HEATR5A: variants seen among roughly 807,000 people sequenced by gnomAD.
The protein encoded by HEATR5A is HEAT repeat containing 5A.
In HEATR5A, 178 loss-of-function variants were observed where a neutral mutation model predicts 218.8. The observed-to-expected ratio is 0.81, with a 90% CI of 0.72 to 0.92. The LOEUF (loss-of-function observed/expected upper bound fraction) is 0.92. Among genes scored for constraint, HEATR5A ranks in the 40% least tolerant of loss-of-function variants. HEATR5A has a pLI of 0.00. For synonymous variants in HEATR5A, 864 were observed against 871.6 expected (o/e 0.99, Z 0.15); for missense variants, 2,420 against 2,418.9 (o/e 1.00, Z -0.01).
At chr14:31,369,592 C>G (rs994364740) in intron 13 of HEATR5A, among the ~76,000 whole-genome samples, 4 of 95,760 alleles carry the variant, frequency 4.2e-5, no homozygotes, top group African/African-American at 1.7e-4. Flanking sequence ...GCCTGGGCAA[C>G]AGAGCAAAAC....
chr14:31,397,340 T>G (rs911786603), intron 4 of HEATR5A, among the ~76,000 whole-genome samples: 1 of 152,106 alleles, frequency 6.6e-6, no homozygotes, highest in Non-Finnish European at 1.5e-5. Flanking sequence ...TAGATTTTTT[T>G]TTTTAAATAA....
At chr14:31,363,116 G>C (rs965622783) in intron 14 of HEATR5A, among the ~76,000 whole-genome samples, 2 of 151,906 alleles carry the variant, frequency 1.3e-5, no homozygotes, top group African/African-American at 4.8e-5. Context: ...GCGCATGCCT[G>C]TAGTTCCAGC....
At chr14:31,389,630 T>C (rs2030368557) in intron 6 of HEATR5A, among the ~76,000 whole-genome samples, 1 of 152,160 alleles carries the variant, frequency 6.6e-6, no homozygotes. Flanking sequence ...GGTTTCTCCC[T>C]GTGACTAGAT....
At chr14:31,342,902 T>C (rs1900884839) in intron 21 of HEATR5A, among the ~76,000 whole-genome samples, 1 of 152,236 alleles carries the variant, frequency 6.6e-6, no homozygotes. Context: ...AAATGCTGCA[T>C]ATTTTGCCTC....
intron 19 of HEATR5A, among the ~76,000 whole-genome samples, chr14:31,347,266 T>C (rs534315566): frequency 4.6e-5 from 7 of 152,336 alleles, no homozygotes; most frequent in African/African-American, 1.4e-4. Flanking sequence ...GGCTGGAGCA[T>C]AGTGGCACAA....
intron 22 of HEATR5A, among the ~76,000 whole-genome samples, chr14:31,330,825 C>T (rs1218667673): frequency 6.6e-6 from 1 of 151,610 alleles, no homozygotes; most frequent in Non-Finnish European, 1.5e-5. Flanking sequence ...CTCCTTGTTA[C>T]TTGTGAAAAT....
intron 6 of HEATR5A, among the ~76,000 whole-genome samples, chr14:31,392,126 G>A (rs2030477622): frequency 6.6e-6 from 1 of 152,066 alleles, no homozygotes. Context: ...CCAAATTTTT[G>A]ACAGAGAACT....
Position 31,293,144 on chromosome 14 carries a change from A to C in HEATR5A, c.*161T>G. On this transcript the variant is annotated 3_prime_UTR_variant, in exon 36 of 36. Coordinates refer to ENST00000543095, the MANE Select transcript of HEATR5A (RefSeq NM_015473.4). ...AACACAAACCCCACGCACACACACA[A>C]AAATGTTAAGTATGCTGTTACTTTG... is the stretch of plus-strand genomic sequence containing the variant. 1 of 529,714 alleles carries C rather than the reference A, an allele frequency of 1.9e-6. No homozygotes were observed. Among genetic ancestry groups the C allele is most frequent in the South Asian group, 3.7e-5 (1 of 26,794 alleles). The allele number at this position is 529,714 out of a possible 1,614,324, so 32.8% of individuals were successfully genotyped here.
At chr14:31,381,692 G>A (rs921327055) in intron 10 of HEATR5A, among the ~76,000 whole-genome samples, 5 of 152,110 alleles carry the variant, frequency 3.3e-5, no homozygotes, top group Admixed American at 6.5e-5. Flanking sequence ...AGGCTGAGAC[G>A]GGAAGATTGC....
At chr14:31,393,175 T>A (rs1271648037) in intron 6 of HEATR5A, among the ~76,000 whole-genome samples, 1 of 152,148 alleles carries the variant, frequency 6.6e-6, no homozygotes, top group Non-Finnish European at 1.5e-5. Flanking sequence ...ATATCGTTTA[T>A]TGGATAACAC....
intron 21 of HEATR5A, among the ~76,000 whole-genome samples, chr14:31,343,289 C>T (rs1422465785): frequency 1.3e-5 from 2 of 152,066 alleles, no homozygotes; most frequent in Non-Finnish European, 2.9e-5. Context: ...GACGGGGTTT[C>T]ACCATGTTGG....
At chr14:31,340,129 GCAAA>G (rs1322949355) in intron 21 of HEATR5A, among the ~76,000 whole-genome samples, 1 of 152,036 alleles carries the variant, frequency 6.6e-6, no homozygotes, top group African/African-American at 2.4e-5. Flanking sequence ...GTGGCTTAAG[GCAAA>G]CAAACAAAGC....
rs527822922 is a variant in HEATR5A at position 31,311,144 on chromosome 14, A to G, written c.4441+1824T>C. Among the ~76,000 whole-genome samples, 3 of 152,334 alleles carry G rather than the reference A, an allele frequency of 2.0e-5. No homozygotes were observed. In the East Asian group the frequency reaches 5.8e-4, roughly 29 times the overall value. ...AAAATTCATATCAAAAAGTAAAAAT[A>G]CAATGATAGCTAAGACATTTTGGAA... is the stretch of plus-strand genomic sequence containing the variant. On this transcript the variant is annotated intron_variant, in intron 28 of 35. Transcript: ENST00000543095.
At chr14:31,359,135 C>T in intron 14 of HEATR5A, 78 bp from the exon 15 acceptor site, 2 of 1,370,732 alleles carry the variant, frequency 1.5e-6, no homozygotes, top group Non-Finnish European at 2.0e-6. Context: ...TCAGGTTGAG[C>T]TTTAATGCAC....
chr14:31,339,177 G>A (rs1265222405), intron 21 of HEATR5A, among the ~76,000 whole-genome samples: 1 of 150,334 alleles, frequency 6.7e-6, no homozygotes, highest in East Asian at 2.0e-4. Flanking sequence ...GTATATATGA[G>A]AAGAGGGCTG....
intron 12 of HEATR5A, among the ~76,000 whole-genome samples, chr14:31,374,342 G>A (rs1282080505): frequency 6.7e-6 from 1 of 148,810 alleles, no homozygotes. Context: ...GACCATTTAT[G>A]TTATCAGTAA....
At chr14:31,413,479 G>T (rs1320562885) in intron 1 of HEATR5A, among the ~76,000 whole-genome samples, 1 of 151,626 alleles carries the variant, frequency 6.6e-6, no homozygotes, top group Non-Finnish European at 1.5e-5. Flanking sequence ...ATTGCCAGTG[G>T]GAGCCCTAAT....
At position 31,323,720 on chromosome 14, in the gene HEATR5A, C is replaced by T. The variant is rs1193337792; in HGVS notation, c.3632G>A (p.Arg1211His). ...GGTAAAAGGATGGGATTTTTCATCACGTCTGGTGGTCAGGACTGAGGCATC... is the reference window on the plus strand; with the variant it reads ...GGTAAAAGGATGGGATTTTTCATCATGTCTGGTGGTCAGGACTGAGGCATC... ...GDDASVLTTR[R>H]DEKSHPFTNP... is the part of the protein sequence containing the mutation. The change falls in exon 24 of 36, where the codon CGT becomes CAT. Residue 1211 changes from arginine (R) to histidine (H), a missense_variant. Coordinates refer to ENST00000543095, the MANE Select transcript of HEATR5A (RefSeq NM_015473.4). The T allele has an allele frequency of 2.9e-5, 46 of 1,613,468 alleles. No homozygotes were observed. Among genetic ancestry groups the T allele is most frequent in the South Asian group, 3.3e-5 (3 of 91,078 alleles).
At chr14:31,327,069 G>A (rs111345868) in intron 22 of HEATR5A, among the ~76,000 whole-genome samples, 1 of 151,292 alleles carries the variant, frequency 6.6e-6, no homozygotes, top group African/African-American at 2.4e-5. Context: ...CTGCCTCCCG[G>A]GTTGAATTGG....
Sources: allele counts gnomAD v4.1 joint callset (sites outside exome capture counted in the v4.1 genomes callset), GRCh38; gene constraint gnomAD v4.1.1; transcripts MANE v1.5; gene names NCBI Gene and HGNC (gene_info 2026-07-23, HGNC 2026-07-21).